Variants in PPP6R3 observed in about 807,000 individuals in gnomAD.
The protein encoded by PPP6R3 is protein phosphatase 6 regulatory subunit 3.
Under a neutral mutation model 110.7 loss-of-function variants are expected in PPP6R3, and 38 were observed. The observed-to-expected ratio is 0.34, with a 90% confidence interval of 0.26 to 0.45. The LOEUF is 0.45. PPP6R3 is among the 20% of genes least tolerant of loss of function. The pLI is 1.00. For synonymous variants in PPP6R3, 369 were observed against 373.5 expected (o/e 0.99, Z 0.14); for missense variants, 870 against 1,062.4 (o/e 0.82, Z 2.52).
intron 20 of PPP6R3, 141 bp downstream of exon 20, chr11:68,600,635 C>G: frequency 1.1e-6 from 1 of 901,126 alleles, no homozygotes; most frequent in Admixed American, 3.0e-5. Context: ...CATCAGCATA[C>G]TAACACAGCT....
At chr11:68,601,063 T>C (rs2099630281) in intron 20 of PPP6R3, among the ~76,000 whole-genome samples, 1 of 152,240 alleles carries the variant, frequency 6.6e-6, no homozygotes, top group South Asian at 2.1e-4. Context: ...AAGAATAGGC[T>C]GAAACCCATG....
At chr11:68,532,758 A>T (rs749832436) in intron 2 of PPP6R3, among the ~76,000 whole-genome samples, 3 of 152,204 alleles carry the variant, frequency 2.0e-5, no homozygotes, top group Non-Finnish European at 4.4e-5. Context: ...GTCTGTTCAG[A>T]TACACAAGTA....
chr11:68,547,571 G>A (rs2099354319), intron 4 of PPP6R3, among the ~76,000 whole-genome samples: 2 of 152,184 alleles, frequency 1.3e-5, no homozygotes, highest in South Asian at 4.1e-4. Context: ...AAAATCAAAG[G>A]CGATGTTTGT....
At chr11:68,484,121 A>G (rs2098931842) in intron 1 of PPP6R3, among the ~76,000 whole-genome samples, 1 of 152,206 alleles carries the variant, frequency 6.6e-6, no homozygotes, top group Admixed American at 6.5e-5. Context: ...TCACCTACTG[A>G]AAGATAGCTT....
chr11:68,470,089 C>A (rs1333000284), intron 1 of PPP6R3, among the ~76,000 whole-genome samples: 1 of 152,124 alleles, frequency 6.6e-6, no homozygotes, highest in East Asian at 1.9e-4. Flanking sequence ...TACTGCTGGG[C>A]ATGTTAACAG....
intron 18 of PPP6R3, among the ~76,000 whole-genome samples, chr11:68,592,136 T>C (rs1200238370): frequency 6.6e-6 from 1 of 152,134 alleles, no homozygotes; most frequent in Non-Finnish European, 1.5e-5. Flanking sequence ...AATTAATATA[T>C]CTGGGTCAAT....
intron 14 of PPP6R3, among the ~76,000 whole-genome samples, chr11:68,577,419 T>C (rs924275088): frequency 1.3e-5 from 2 of 152,244 alleles, no homozygotes; most frequent in African/African-American, 4.8e-5. Flanking sequence ...GGGACTATTG[T>C]CTTGTCTTAT....
chr11:68,581,818 G>A (rs1280988789), intron 14 of PPP6R3, among the ~76,000 whole-genome samples: 2 of 152,222 alleles, frequency 1.3e-5, no homozygotes, highest in Admixed American at 1.3e-4. Flanking sequence ...CATCAGGCCA[G>A]ATTCACAAAC....
intron 9 of PPP6R3, among the ~76,000 whole-genome samples, chr11:68,565,146 T>C (rs751600680): frequency 9.9e-5 from 15 of 151,292 alleles, no homozygotes; most frequent in Non-Finnish European, 2.1e-4. Context: ...GGTTATCTAC[T>C]GTGCGAGTTA....
intron 1 of PPP6R3, among the ~76,000 whole-genome samples, chr11:68,474,423 C>CT (rs1044809569): frequency 2.6e-5 from 4 of 151,716 alleles, no homozygotes; most frequent in South Asian, 2.1e-4. Flanking sequence ...TTTGTCCTTG[C>CT]TTTTTTTTCA....
intron 1 of PPP6R3, among the ~76,000 whole-genome samples, chr11:68,479,186 A>AGCTGGGACTATAGG (rs2098876794): frequency 1.3e-5 from 2 of 152,162 alleles, no homozygotes; most frequent in Admixed American, 1.3e-4. Context: ...TACCATTAAT[A>AGCTGGGACTATAGG]CAATTAAAAA....
chr11:68,504,849 T>C (rs2099067514), intron 1 of PPP6R3, among the ~76,000 whole-genome samples: 1 of 152,226 alleles, frequency 6.6e-6, no homozygotes, highest in Admixed American at 6.5e-5. Context: ...AGTGTGTTTT[T>C]ACGTGTGGAC....
At position 68,546,352 on chromosome 11, in the gene PPP6R3, T is replaced by C. The variant is rs112536650; in HGVS notation, c.414+1328T>C. Among the ~76,000 whole-genome samples the C allele has an allele frequency of 5.3e-5, 8 of 152,354 alleles. 2 individuals are homozygous for C. The highest frequency in any genetic ancestry group is 1.9e-4 in the African/African-American group (8 of 41,576). On this transcript the variant is annotated intron_variant, in intron 4 of 23. Coordinates refer to ENST00000393800, the MANE Select transcript of PPP6R3 (RefSeq NM_001164161.2). ...GCCATTATCCAGACATTATGCTTCATTGTGCTTTTTCTCCTCACTTCTGTG... is the reference window on the plus strand; with the variant it reads ...GCCATTATCCAGACATTATGCTTCACTGTGCTTTTTCTCCTCACTTCTGTG...
At chr11:68,522,659 A>G (rs1415424188) in intron 2 of PPP6R3, 1 of 152,246 alleles carries the variant, frequency 6.6e-6, no homozygotes, top group Non-Finnish European at 1.5e-5. Flanking sequence ...AAGTCTCCAG[A>G]TGCCTGCTGG....
chr11:68,609,787 ATGCTT>A, intron 22 of PPP6R3, 112 bp from the exon 23 acceptor site: 1 of 1,561,388 alleles, frequency 6.4e-7, no homozygotes, highest in Non-Finnish European at 8.8e-7. Context: ...CAGTCCCAGG[ATGCTT>A]TGCCTCCGCG....
intron 5 of PPP6R3, among the ~76,000 whole-genome samples, chr11:68,548,796 T>G (rs2099359247): frequency 6.6e-6 from 1 of 152,100 alleles, no homozygotes; most frequent in African/African-American, 2.4e-5. Context: ...CAGGTAGAAT[T>G]TGGGTGGGAA....
chr11:68,607,983 G>A (rs1295420713), intron 22 of PPP6R3, among the ~76,000 whole-genome samples: 1 of 148,710 alleles, frequency 6.7e-6, no homozygotes, highest in African/African-American at 2.5e-5. Flanking sequence ...GGCCCAGGCT[G>A]ATCTCAAACT....
intron 1 of PPP6R3, among the ~76,000 whole-genome samples, chr11:68,486,121 T>C (rs2098945561): frequency 1.3e-5 from 2 of 152,038 alleles, no homozygotes; most frequent in Admixed American, 1.3e-4. Context: ...TTGGTTGTGG[T>C]ATATAATTTT....
intron 1 of PPP6R3, among the ~76,000 whole-genome samples, chr11:68,504,329 T>C (rs2099064040): frequency 6.6e-6 from 1 of 152,156 alleles, no homozygotes; most frequent in South Asian, 2.1e-4. Context: ...GGCCACACAA[T>C]GTATATAGAA....
Sources: allele counts gnomAD v4.1 joint callset (sites outside exome capture counted in the v4.1 genomes callset), GRCh38; gene constraint gnomAD v4.1.1; transcripts MANE v1.5; gene names NCBI Gene and HGNC (gene_info 2026-07-23, HGNC 2026-07-21).